CCDC9B: variants seen among roughly 807,000 people sequenced by gnomAD.
CCDC9B encodes coiled-coil domain-containing protein 9B.
In CCDC9B, 40 loss-of-function variants were observed where a neutral mutation model predicts 47.2. That is an observed-to-expected ratio of 0.85 (90% CI 0.66 to 1.10). The LOEUF (loss-of-function observed/expected upper bound fraction) is 1.10. Ranked by LOEUF, CCDC9B falls within the 50% of genes least tolerant of loss-of-function variation. CCDC9B has a pLI of 0.00. For synonymous variants in CCDC9B, 238 were observed against 250.7 expected (o/e 0.95, Z 0.48); for missense variants, 662 against 651.0 (o/e 1.02, Z -0.18).
intron 8 of CCDC9B, 37 bp downstream of exon 8, chr15:40,336,723 G>A: frequency 6.2e-7 from 1 of 1,602,170 alleles, no homozygotes; most frequent in African/African-American, 1.3e-5. Context: ...TCCATCTTTA[G>A]CTGACGAGAC....
At position 40,335,494 on chromosome 15, in the gene CCDC9B, G is replaced by A; in HGVS notation, c.1137C>T (p.Ser379=). 2.5e-6 allele frequency: 4 copies of A among 1,583,296 alleles called. No individual in the cohort carries two copies. Among genetic ancestry groups the A allele is most frequent in the Non-Finnish European group, 3.4e-6 (4 of 1,162,612 alleles). The change falls in exon 11 of 11, where the codon TCC becomes TCT. Residue 379 remains serine (S), a synonymous_variant. Transcript: ENST00000397536. ...GCCCAGGGATGCCAGCCCCTCCTAG[G>A]GAGAGGTCAAGAGGAGCCAAGTCAG... The part of the protein sequence containing the change: ...QEPDLAPLDL[S]LGGAGIPGPR...
intron 7 of CCDC9B, 160 bp from the exon 8 acceptor site, chr15:40,336,973 T>C: frequency 1.5e-6 from 1 of 649,662 alleles, no homozygotes. Context: ...AATAGGGTCC[T>C]GTGCTAGCTT....
At chr15:40,339,104 C>A in intron 3 of CCDC9B, 1 of 651,746 alleles carries the variant, frequency 1.5e-6, no homozygotes, top group Non-Finnish European at 2.7e-6. Context: ...GCCCAAGATG[C>A]CACAGTGGCC....
intron 1 of CCDC9B, chr15:40,340,279 C>G (rs1889062221): frequency 2.0e-6 from 1 of 496,096 alleles, no homozygotes; most frequent in African/African-American, 1.9e-5. Context: ...TGGGGTGCCC[C>G]TCCCCCAGCT....
At chr15:40,339,786 C>T in intron 2 of CCDC9B, 119 bp downstream of exon 2, 4 of 1,404,320 alleles carry the variant, frequency 2.8e-6, no homozygotes, top group East Asian at 2.3e-5. Context: ...ACCATGCCCA[C>T]CCTACCCCTG....
intron 5 of CCDC9B, chr15:40,338,276 C>A (rs1889010836): frequency 1.6e-6 from 1 of 635,798 alleles, no homozygotes; most frequent in South Asian, 1.9e-5. Context: ...CCCTCCTGCC[C>A]CCTCCCCAAC....
intron 5 of CCDC9B, 27 bp from the exon 6 acceptor site, chr15:40,337,920 G>A: frequency 1.3e-6 from 2 of 1,578,782 alleles, no homozygotes; most frequent in Non-Finnish European, 1.7e-6. Flanking sequence ...CTCAGAGTGA[G>A]GGGGAGAAGC....
In CCDC9B at chr15:40,332,090, T is replaced by C. The variant is rs1217154508; in HGVS notation, c.*3068A>G. ...CTGTGTTTCATGAAGACCCTCCACC[T>C]TTGAAGAGCAGTCTTTTCTGTTGGT... On this transcript the variant is annotated 3_prime_UTR_variant, in exon 11 of 11. Transcript: ENST00000397536. 6.6e-6 allele frequency: 1 copy of C among 152,046 alleles called. No individual in the cohort carries two copies. The allele number at this position is 152,046 out of a possible 1,614,324, so 9.4% of individuals were successfully genotyped here.
chr15:40,336,090 C>G (rs1444165467), intron 9 of CCDC9B: 1 of 985,324 alleles, frequency 1.0e-6, no homozygotes, highest in Non-Finnish European at 1.2e-6. Flanking sequence ...CCTCCATCTC[C>G]TTGCCAAAGA....
Position 40,338,757 on chromosome 15 carries a change from G to A in CCDC9B, c.378C>T (p.Asn126=). The part of the protein sequence containing the change: ...ELVELAVTME[N]KAEGKRIVSE... Reference sequence around the variant, plus strand: ...CCACCACCCTGCTCACCTCTGCTTTGTTCTCCATGGTCACAGCCAGCTCCA... The same window carrying A: ...CCACCACCCTGCTCACCTCTGCTTTATTCTCCATGGTCACAGCCAGCTCCA... The change falls in exon 4 of 11, where the codon AAC becomes AAT. Residue 126 remains asparagine, a synonymous_variant. Coordinates refer to ENST00000397536, the MANE Select transcript of CCDC9B (RefSeq NM_207380.3). 1 of 1,613,298 alleles carries A rather than the reference G, an allele frequency of 6.2e-7. No homozygotes were observed. The highest frequency in any genetic ancestry group is 8.5e-7 in the Non-Finnish European group (1 of 1,179,472).
Position 40,335,597 on chromosome 15 carries a change from GC to G in CCDC9B, c.1033del (p.Ala345ProfsTer36). ...RLGSAPAASP[A>X]LASPEGPKGE... ...CTTCGGCCCCTCTGGGGATGCCAGG[GC>G]TGGGCTGGCTGCAGGGGCGCTCCCC... is the stretch of plus-strand genomic sequence containing the variant. On this transcript the variant is annotated frameshift_variant, in exon 11 of 11. Coordinates refer to ENST00000397536, the MANE Select transcript of CCDC9B (RefSeq NM_207380.3). LOFTEE classifies it low-confidence loss of function (END_TRUNC). 1 of 1,499,512 alleles carries G rather than the reference GC, an allele frequency of 6.7e-7. No homozygotes were observed. The highest frequency in any genetic ancestry group is 8.9e-7 in the Non-Finnish European group (1 of 1,120,988). The allele number at this position is 1,499,512 out of a possible 1,614,324, so 92.9% of individuals were successfully genotyped here. A position where few individuals can be genotyped will look rare whatever the true frequency, so the allele number is the denominator to read the frequency against.
At chr15:40,340,560 A>C in intron 1 of CCDC9B, 2 of 507,014 alleles carry the variant, frequency 3.9e-6, no homozygotes, top group Non-Finnish European at 3.5e-6. Flanking sequence ...AGCTGCTGGT[A>C]GTCGGGGCGG....
chr15:40,336,351 C>T (rs1888959001), intron 9 of CCDC9B: 1 of 985,314 alleles, frequency 1.0e-6, no homozygotes, highest in Non-Finnish European at 1.2e-6. Context: ...ACCTCATTTC[C>T]CAGGGGAAGG....
In CCDC9B at chr15:40,333,437, A is replaced by C. The variant is rs1349260706; in HGVS notation, c.*1721T>G. 1 of 151,872 alleles carries C rather than the reference A, an allele frequency of 6.6e-6. No individual in the cohort carries two copies. The allele number at this position is 151,872 out of a possible 1,614,324, so 9.4% of individuals were successfully genotyped here. On this transcript the variant is annotated 3_prime_UTR_variant, in exon 11 of 11. Transcript: ENST00000397536. ...ACAAAAATTAGCCAGGTGTGGTGGCACACCTGTAGTCCCGGCTACTCAAGA... is the reference window on the plus strand; with the variant it reads ...ACAAAAATTAGCCAGGTGTGGTGGCCCACCTGTAGTCCCGGCTACTCAAGA...
Position 40,338,551 on chromosome 15 carries a change from G to A in CCDC9B, c.497C>T (p.Ser166Leu). ...AAGACACACCTTCCGTGCAGAATCT[G>A]AGCTGATGGCCACCTGCGTGGGGGG... ...RSPPTQVAIS[S>L]DSARKGSWEP... The change falls in exon 5 of 11, where the codon TCA becomes TTA. Residue 166 changes from serine to leucine, a missense_variant. Transcript: ENST00000397536. The A allele has an allele frequency of 6.2e-7, 1 of 1,613,952 alleles. No homozygotes were observed. Among genetic ancestry groups the A allele is most frequent in the East Asian group, 2.2e-5 (1 of 44,894 alleles).
chr15:40,339,006 C>T lies in CCDC9B; in HGVS notation c.232-103G>A, dbSNP rs779487038. Reference sequence around the variant, plus strand: ...AGGCCTGGGTTCCAACCCCAGCCCTCCCTGCATTCCCCACAGAAGAGCTGA... The same window carrying T: ...AGGCCTGGGTTCCAACCCCAGCCCTTCCTGCATTCCCCACAGAAGAGCTGA... On this transcript the variant is annotated intron_variant, in intron 3 of 10. Coordinates refer to ENST00000397536, the MANE Select transcript of CCDC9B (RefSeq NM_207380.3). The T allele has an allele frequency of 6.4e-6, 8 of 1,240,430 alleles. No individual in the cohort carries two copies. The East Asian group carries it at 1.6e-4, about 25-fold the overall frequency. 76.8% of individuals were successfully genotyped at this position (1,240,430 alleles called of 1,614,324 possible).
At position 40,336,808 on chromosome 15, in the gene CCDC9B, T is replaced by C. The variant is rs1462142078; in HGVS notation, c.748A>G (p.Arg250Gly). Residue 250 changes from arginine to glycine, a missense_variant, in exon 8 of 11, where the codon AGG becomes GGG. Arg to Gly is a moderately radical substitution (Grantham distance 125). Coordinates refer to ENST00000397536, the MANE Select transcript of CCDC9B (RefSeq NM_207380.3). ...PARAGSRRGP[R>G]SHQKLQPPPL... ...GGGGGCTGTAGTTTCTGGTGGCTCC[T>C]GGGACCTGCGGGGGACAAAAGAAGT... The C allele has an allele frequency of 6.3e-7, 1 of 1,593,904 alleles. No homozygotes were observed. Among genetic ancestry groups the C allele is most frequent in the Non-Finnish European group, 8.5e-7 (1 of 1,173,994 alleles).
chr15:40,340,608 C>T (rs1889070604), intron 1 of CCDC9B, 200 bp downstream of exon 1: 1 of 588,998 alleles, frequency 1.7e-6, no homozygotes, highest in African/African-American at 1.9e-5. Context: ...GCCCAGGAGT[C>T]ACCCTGGGCA....
At chr15:40,336,485 G>T (rs1418752530) in intron 9 of CCDC9B, 89 bp downstream of exon 9, 8 of 1,504,156 alleles carry the variant, frequency 5.3e-6, no homozygotes, top group Non-Finnish European at 7.1e-6. Context: ...AGGGGCCCCA[G>T]GGATGGAGCT....
Sources: allele counts gnomAD v4.1 joint callset, GRCh38; gene constraint gnomAD v4.1.1; transcripts MANE v1.5; gene names NCBI Gene and HGNC (gene_info 2026-07-23, HGNC 2026-07-21).